The following ROBO1 variants were observed in gnomAD, a reference collection of about 807,000 sequenced individuals.
ROBO1 encodes roundabout guidance receptor 1, also known as roundabout homolog 1.
Under a neutral mutation model 195.9 loss-of-function variants are expected in ROBO1, and 149 were observed. The observed-to-expected ratio is 0.76, with a 90% CI of 0.67 to 0.87. The LOEUF (loss-of-function observed/expected upper bound fraction) is 0.87. ROBO1 is among the 40% of genes least tolerant of loss of function. The probability of loss-of-function intolerance (pLI) is 0.00; values close to 1 mark genes in which losing one functional copy is unlikely to be tolerated. For synonymous variants in ROBO1, 816 were observed against 733.2 expected (o/e 1.11, Z -1.82); for missense variants, 1,933 against 2,068.3 (o/e 0.93, Z 1.27).
At chr3:78,757,676 ACT>A (rs1483432798) in intron 4 of ROBO1, among the ~76,000 whole-genome samples, 1 of 151,800 alleles carries the variant, frequency 6.6e-6, no homozygotes, top group Admixed American at 6.6e-5. Flanking sequence ...AAACAAACAA[ACT>A]CTTCCCACCA....
intron 2 of ROBO1, among the ~76,000 whole-genome samples, chr3:79,396,817 A>G (rs2037171786): frequency 6.6e-6 from 1 of 152,180 alleles, no homozygotes; most frequent in South Asian, 2.1e-4. Context: ...TACTTGAAAC[A>G]GAGTGAGTTA....
At chr3:78,881,336 C>T (rs1277578987) in intron 4 of ROBO1, among the ~76,000 whole-genome samples, 2 of 152,164 alleles carry the variant, frequency 1.3e-5, no homozygotes, top group African/African-American at 4.8e-5. Context: ...GCATTCACCT[C>T]ATAGACTGCG....
At chr3:79,341,719 C>T (rs2034914687) in intron 2 of ROBO1, among the ~76,000 whole-genome samples, 1 of 151,868 alleles carries the variant, frequency 6.6e-6, no homozygotes, top group South Asian at 2.1e-4. Context: ...AACGTTTAGC[C>T]CATCTATTTA....
chr3:79,303,423 C>T (rs1291312061), intron 2 of ROBO1, among the ~76,000 whole-genome samples: 1 of 152,138 alleles, frequency 6.6e-6, no homozygotes, highest in Non-Finnish European at 1.5e-5. Context: ...ACCTTGGCCT[C>T]TCAAAGTGCT....
intron 2 of ROBO1, among the ~76,000 whole-genome samples, chr3:79,152,938 G>A (rs1303128042): frequency 1.3e-5 from 2 of 151,744 alleles, no homozygotes; most frequent in African/African-American, 2.4e-5. Context: ...TTTCAAAGAC[G>A]TTAAAACAAA....
intron 2 of ROBO1, among the ~76,000 whole-genome samples, chr3:79,505,332 GAGAA>G (rs1399034524): frequency 4.6e-5 from 7 of 152,104 alleles, no homozygotes; most frequent in Non-Finnish European, 7.4e-5. Flanking sequence ...AGGATAGAGA[GAGAA>G]AGAGAAAGAG....
intron 3 of ROBO1, among the ~76,000 whole-genome samples, chr3:79,078,408 AT>A (rs1334530307): frequency 1.3e-5 from 2 of 151,684 alleles, no homozygotes; most frequent in Non-Finnish European, 1.5e-5. Context: ...TAAGATGGGT[AT>A]TTTTTTGGGG....
intron 3 of ROBO1, among the ~76,000 whole-genome samples, chr3:79,064,829 C>T (rs2078978663): frequency 6.6e-6 from 1 of 151,870 alleles, no homozygotes; most frequent in South Asian, 2.1e-4. Context: ...ATACTCACTC[C>T]ACCACAGAAA....
At chr3:79,395,020 T>G (rs1258767160) in intron 2 of ROBO1, among the ~76,000 whole-genome samples, 2 of 151,968 alleles carry the variant, frequency 1.3e-5, no homozygotes, top group African/African-American at 4.8e-5. Flanking sequence ...TTTCAATATT[T>G]AATAGTTAAA....
chr3:78,966,059 G>A (rs1015829970), intron 3 of ROBO1, among the ~76,000 whole-genome samples: 1 of 152,188 alleles, frequency 6.6e-6, no homozygotes, highest in Admixed American at 6.5e-5. Context: ...TCAGATCAGT[G>A]GTGGCATTAG....
At chr3:79,282,729 G>A (rs1332453242) in intron 2 of ROBO1, among the ~76,000 whole-genome samples, 1 of 152,114 alleles carries the variant, frequency 6.6e-6, no homozygotes, top group Non-Finnish European at 1.5e-5. Context: ...GATATGGCTG[G>A]CAGGAAAGGA....
In ROBO1 at chr3:78,856,148, G is replaced by A. The variant is rs145371075; in HGVS notation, c.499+82453C>T. On this transcript the variant is annotated intron_variant, in intron 4 of 30. Coordinates refer to ENST00000464233, the MANE Select transcript of ROBO1 (RefSeq NM_002941.4). ...ACATGATGGTTGTAATTCCTCTACG[G>A]TTTTCAGCATAAGAAATCAGTTTTA... 8.6e-5 allele frequency among the ~76,000 whole-genome samples: 13 copies of A among 150,836 alleles called. No individual in the cohort carries two copies. In the East Asian group the frequency reaches 2.4e-3, roughly 27 times the overall value.
At chr3:79,242,665 T>C (rs79791496) in intron 2 of ROBO1, among the ~76,000 whole-genome samples, 4,216 of 152,224 alleles carry the variant, frequency 0.028, 169 homozygotes, top group African/African-American at 0.092. Context: ...ACTTTCTTTT[T>C]GATATAAACT....
At chr3:79,666,146 G>A (rs1946469754) in intron 1 of ROBO1, among the ~76,000 whole-genome samples, 1 of 151,780 alleles carries the variant, frequency 6.6e-6, no homozygotes, top group Admixed American at 6.6e-5. Flanking sequence ...ACAACACCTG[G>A]TATAATATTA....
intron 4 of ROBO1, among the ~76,000 whole-genome samples, chr3:78,933,125 T>C (rs920697311): frequency 6.6e-5 from 10 of 152,010 alleles, no homozygotes; most frequent in African/African-American, 2.4e-4. Flanking sequence ...TAACCTGAGG[T>C]TATTTATTGC....
chr3:78,597,950 C>CAAAAAAAA lies in ROBO1; in HGVS notation c.*955_*962dup, dbSNP rs35691197. 1 of 109,468 alleles carries CAAAAAAAA rather than the reference C, an allele frequency of 9.1e-6. No homozygotes were observed. Among genetic ancestry groups the CAAAAAAAA allele is most frequent in the African/African-American group, 3.2e-5 (1 of 31,670 alleles). The allele number at this position is 109,468 out of a possible 1,614,324, so 6.8% of individuals were successfully genotyped here. Reference sequence around the variant, plus strand: ...AGTTTAGTGATTGTGCTTTTAAAACCAAAAAAAAAAAAAAAAAGAGAGAGA... The same window carrying CAAAAAAAA: ...AGTTTAGTGATTGTGCTTTTAAAACCAAAAAAAAAAAAAAAAAAAAAAAAAGAGAGAGA... On this transcript the variant is annotated 3_prime_UTR_variant, in exon 31 of 31. Coordinates refer to ENST00000464233, the MANE Select transcript of ROBO1 (RefSeq NM_002941.4).
At chr3:79,296,421 T>C (rs1334892787) in intron 2 of ROBO1, among the ~76,000 whole-genome samples, 4 of 151,834 alleles carry the variant, frequency 2.6e-5, no homozygotes, top group African/African-American at 9.7e-5. Context: ...ATGTGTAGAC[T>C]CTGCCATAGA....
At chr3:79,124,406 T>C (rs1261668101) in intron 3 of ROBO1, among the ~76,000 whole-genome samples, 2 of 152,222 alleles carry the variant, frequency 1.3e-5, no homozygotes, top group Non-Finnish European at 1.5e-5. Flanking sequence ...AACTGGAGAA[T>C]GATATTTATG....
At chr3:78,903,101 T>G (rs1346340949) in intron 4 of ROBO1, among the ~76,000 whole-genome samples, 4 of 152,154 alleles carry the variant, frequency 2.6e-5, no homozygotes, top group African/African-American at 9.6e-5. Context: ...AACACAATTC[T>G]CTTCAAATAT....
Sources: allele counts gnomAD v4.1 joint callset (sites outside exome capture counted in the v4.1 genomes callset), GRCh38; gene constraint gnomAD v4.1.1; transcripts MANE v1.5; gene names NCBI Gene and HGNC (gene_info 2026-07-23, HGNC 2026-07-21).